MRPL48: variants seen among roughly 807,000 people sequenced by gnomAD.
MRPL48 encodes the protein mitochondrial ribosomal protein L48.
Under a neutral mutation model 32.9 loss-of-function variants are expected in MRPL48, and 16 were observed. That is an observed-to-expected ratio of 0.49 (90% confidence interval 0.33 to 0.74). MRPL48 has a LOEUF of 0.74. Among genes scored for constraint, MRPL48 ranks in the 30% least tolerant of loss-of-function variants. MRPL48 has a pLI of 0.02. For missense variants in MRPL48, 206 were observed against 245.3 expected (o/e 0.84, Z 1.07); for synonymous variants, 94 against 89.2 (o/e 1.05, Z -0.31).
At chr11:73,795,359 T>C (rs965713321) in intron 1 of MRPL48, among the ~76,000 whole-genome samples, 19 of 150,390 alleles carry the variant, frequency 1.3e-4, no homozygotes, top group Middle Eastern at 3.3e-3. Flanking sequence ...CTGGACTTCA[T>C]CTCTGATGAA....
intron 3 of MRPL48, among the ~76,000 whole-genome samples, chr11:73,824,143 C>T (rs1167089132): frequency 4.6e-5 from 7 of 151,878 alleles, no homozygotes; most frequent in Admixed American, 3.3e-4. Context: ...CATGAGCCAC[C>T]GCACCTGGCC....
intron 5 of MRPL48, 36 bp downstream of exon 5, chr11:73,845,012 G>A (rs1204644499): frequency 1.3e-6 from 2 of 1,584,858 alleles, no homozygotes; most frequent in African/African-American, 1.4e-5. Context: ...TGTTCTTGGT[G>A]TGGGTAGAAT....
chr11:73,822,209 A>G (rs887669755), intron 3 of MRPL48, among the ~76,000 whole-genome samples: 1 of 152,114 alleles, frequency 6.6e-6, no homozygotes, highest in Non-Finnish European at 1.5e-5. Context: ...ATACCTCCCT[A>G]TTCCTTACAC....
At chr11:73,804,215 GC>G (rs1947408008) in intron 1 of MRPL48, among the ~76,000 whole-genome samples, 1 of 151,786 alleles carries the variant, frequency 6.6e-6, no homozygotes, top group Admixed American at 6.6e-5. Flanking sequence ...ACCGTGCCCA[GC>G]CTATCACTGT....
intron 1 of MRPL48, among the ~76,000 whole-genome samples, chr11:73,801,732 C>T (rs1240533143): frequency 6.6e-6 from 1 of 152,134 alleles, no homozygotes; most frequent in African/African-American, 2.4e-5. Flanking sequence ...AGTTGTGTGA[C>T]TTTGGGTAGG....
intron 3 of MRPL48, among the ~76,000 whole-genome samples, chr11:73,809,243 C>CA (rs1434995584): frequency 2.9e-5 from 4 of 136,064 alleles, no homozygotes; most frequent in Middle Eastern, 7.7e-3. Context: ...CCAGGTGCCT[C>CA]ACGCCTGTAA....
intron 3 of MRPL48, among the ~76,000 whole-genome samples, chr11:73,811,780 T>C (rs1282837618): frequency 6.6e-6 from 1 of 152,200 alleles, no homozygotes; most frequent in Non-Finnish European, 1.5e-5. Context: ...ACCAACCTAA[T>C]ACTATTAAAA....
chr11:73,851,064 C>T, intron 5 of MRPL48: 1 of 503,316 alleles, frequency 2.0e-6, no homozygotes, highest in South Asian at 1.5e-5. Flanking sequence ...TGGCTGGCAT[C>T]AATTTTCCCT....
intron 5 of MRPL48, among the ~76,000 whole-genome samples, chr11:73,855,348 G>C (rs989612459): frequency 6.6e-6 from 1 of 151,836 alleles, no homozygotes; most frequent in East Asian, 1.9e-4. Flanking sequence ...TCCAGGGCCT[G>C]CCTTGCCTCT....
At chr11:73,860,057 T>C (rs1948557383) in intron 6 of MRPL48, 48 bp downstream of exon 6, 1 of 1,476,096 alleles carries the variant, frequency 6.8e-7, no homozygotes, top group Non-Finnish European at 9.3e-7. Context: ...TCCTGGTTCT[T>C]TTCTCTGTCC....
chr11:73,854,711 C>G (rs1948457595), intron 5 of MRPL48, among the ~76,000 whole-genome samples: 1 of 152,146 alleles, frequency 6.6e-6, no homozygotes, highest in African/African-American at 2.4e-5. Context: ...AGTCCAAAAA[C>G]AAACAACCAA....
chr11:73,856,493 T>C (rs892559125), intron 5 of MRPL48, among the ~76,000 whole-genome samples: 3 of 152,064 alleles, frequency 2.0e-5, no homozygotes, highest in Non-Finnish European at 4.4e-5. Flanking sequence ...GTGGGTCCCT[T>C]AATTTGCCTG....
intron 4 of MRPL48, among the ~76,000 whole-genome samples, chr11:73,837,827 T>C (rs1374702575): frequency 1.3e-5 from 2 of 152,134 alleles, no homozygotes; most frequent in Admixed American, 6.6e-5. Context: ...GCTTTATTCA[T>C]GTATATCCTT....
intron 4 of MRPL48, among the ~76,000 whole-genome samples, chr11:73,833,143 T>G (rs1948026677): frequency 6.6e-6 from 1 of 151,714 alleles, no homozygotes; most frequent in Admixed American, 6.6e-5. Flanking sequence ...CAACAAACAT[T>G]TATTAAATGC....
Position 73,844,923 on chromosome 11 carries a change from T to C in MRPL48, c.318T>C (p.Tyr106=). The change falls in exon 5 of 8, where the codon TAT becomes TAC. Residue 106 remains tyrosine (Y), a synonymous_variant. Transcript: ENST00000310614. ...ATGATATGACCCTGGCAGAGAGTTATGCCCAGTATGTTCACAACCTCTGCA... is the reference window on the plus strand; with the variant it reads ...ATGATATGACCCTGGCAGAGAGTTACGCCCAGTATGTTCACAACCTCTGCA... ...TAYDMTLAES[Y]AQYVHNLCNS... The C allele has an allele frequency of 6.2e-7, 1 of 1,613,800 alleles. No homozygotes were observed. Among genetic ancestry groups the C allele is most frequent in the Non-Finnish European group, 8.5e-7 (1 of 1,179,784 alleles).
At chr11:73,833,330 C>T (rs976610101) in intron 4 of MRPL48, among the ~76,000 whole-genome samples, 1 of 151,322 alleles carries the variant, frequency 6.6e-6, no homozygotes, top group African/African-American at 2.4e-5. Context: ...GCCATTAGAG[C>T]TCCTGGTCTG....
At position 73,787,984 on chromosome 11, in the gene MRPL48, T is replaced by C. The variant is rs1295975372; in HGVS notation, c.13T>C (p.Leu5=). 6.3e-7 allele frequency: 1 copy of C among 1,598,514 alleles called. No homozygotes were observed. Among genetic ancestry groups the C allele is most frequent in the East Asian group, 2.3e-5 (1 of 44,258 alleles). The change falls in exon 1 of 8, where the codon TTG becomes CTG. Residue 5 remains leucine, a synonymous_variant. Transcript: ENST00000310614. ...GCAGCAGCAAAGGATGAGCGGAACC[T>C]TGGAAAAGGTAACGTAGATTCCACG... MSGT[L]EKVLCLRNNT... is the part of the protein sequence containing the mutation.
intron 4 of MRPL48, 26 bp from the exon 5 acceptor site, chr11:73,844,781 T>G (rs774527703): frequency 6.3e-7 from 1 of 1,597,266 alleles, no homozygotes; most frequent in Non-Finnish European, 8.5e-7. Context: ...TACTTTATTT[T>G]CTTTCTCTCT....
chr11:73,831,290 A>G (rs1350340056), intron 4 of MRPL48, among the ~76,000 whole-genome samples: 1 of 152,158 alleles, frequency 6.6e-6, no homozygotes, highest in African/African-American at 2.4e-5. Flanking sequence ...GGGGCATGAC[A>G]ATAAATGTGG....
Sources: gnomAD v4.1 joint callset for allele counts (sites outside exome capture counted in the v4.1 genomes callset) on GRCh38, gnomAD v4.1.1 for gene constraint, MANE v1.5 for transcripts, NCBI Gene and HGNC (gene_info 2026-07-23, HGNC 2026-07-21) for gene names.